Variants in MPDZ observed in about 807,000 individuals in gnomAD.
MPDZ encodes the protein multiple PDZ domain crumbs cell polarity complex component, also known as multiple PDZ domain protein.
In MPDZ, 234 loss-of-function variants were observed where a neutral mutation model predicts 239.1. That is an observed-to-expected ratio of 0.98 (90% CI 0.88 to 1.09). MPDZ has a LOEUF of 1.09. MPDZ is among the 50% of genes least tolerant of loss of function. The pLI is 0.00. For synonymous variants in MPDZ, 1,048 were observed against 881.3 expected (o/e 1.19, Z -3.35); for missense variants, 3,175 against 2,510.0 (o/e 1.26, Z -5.66).
Position 13,176,213 on chromosome 9 carries a change from A to G in MPDZ, c.2854T>C (p.Trp952Arg). 1 of 1,603,814 alleles carries G rather than the reference A, an allele frequency of 6.2e-7. No homozygotes were observed. The highest frequency in any genetic ancestry group is 8.5e-7 in the Non-Finnish European group (1 of 1,174,290). ...TCACTTGGTAAATGAGATTCAGTCC[A>G]CACTATTGTGTTTTCACATTCATAT... ...QQYECENTIV[W>R]TESHLPSEVI... Residue 952 changes from tryptophan to arginine, a missense_variant, in exon 20 of 47, where the codon TGG (tryptophan) becomes CGG (arginine). Coordinates refer to ENST00000319217, the MANE Select transcript of MPDZ (RefSeq NM_001378778.1).
chr9:13,140,914 C>T (rs968705916), intron 27 of MPDZ: 2 of 152,052 alleles, frequency 1.3e-5, no homozygotes, highest in South Asian at 2.1e-4. Flanking sequence ...GGCTTGTCTA[C>T]CAGAGAGCCA....
intron 12 of MPDZ, among the ~76,000 whole-genome samples, chr9:13,204,735 C>A (rs973440691): frequency 6.6e-6 from 1 of 152,082 alleles, no homozygotes; most frequent in Non-Finnish European, 1.5e-5. Flanking sequence ...TAGAACCACA[C>A]ATACAAACAG....
At chr9:13,268,057 G>GGAA (rs1373085699) in intron 1 of MPDZ, among the ~76,000 whole-genome samples, 1 of 151,976 alleles carries the variant, frequency 6.6e-6, no homozygotes, top group Admixed American at 6.6e-5. Flanking sequence ...GAAGAAGCAT[G>GGAA]GAAGCATTAG....
At chr9:13,204,036 A>C (rs1956712839) in intron 12 of MPDZ, among the ~76,000 whole-genome samples, 2 of 152,168 alleles carry the variant, frequency 1.3e-5, no homozygotes, top group Non-Finnish European at 2.9e-5. Flanking sequence ...ATATCTCTGC[A>C]AACATAAATA....
intron 3 of MPDZ, among the ~76,000 whole-genome samples, chr9:13,229,540 C>G (rs1961732471): frequency 6.7e-6 from 1 of 150,328 alleles, no homozygotes; most frequent in African/African-American, 2.4e-5. Context: ...GATAAAAATA[C>G]CTGACAACCT....
At chr9:13,114,573 TATTG>T (rs1943058258) in intron 40 of MPDZ, among the ~76,000 whole-genome samples, 2 of 152,212 alleles carry the variant, frequency 1.3e-5, no homozygotes, top group Non-Finnish European at 2.9e-5. Context: ...TTCAGTTGAA[TATTG>T]ATTGATGTTG....
At chr9:13,223,348 T>C (rs1011274917) in intron 5 of MPDZ, among the ~76,000 whole-genome samples, 17 of 152,044 alleles carry the variant, frequency 1.1e-4, no homozygotes, top group African/African-American at 3.6e-4. Context: ...AATTTTTCTT[T>C]CCTTACCAAA....
At chr9:13,163,311 A>G (rs930630412) in intron 22 of MPDZ, among the ~76,000 whole-genome samples, 1 of 152,192 alleles carries the variant, frequency 6.6e-6, no homozygotes, top group Non-Finnish European at 1.5e-5. Flanking sequence ...TAGCTCTATT[A>G]AGTTATGAAC....
chr9:13,175,640 C>T, intron 21 of MPDZ, 112 bp downstream of exon 21: 1 of 1,122,450 alleles, frequency 8.9e-7, no homozygotes, highest in Non-Finnish European at 1.3e-6. Context: ...AGGAAAATTT[C>T]TACCATCTGT....
intron 32 of MPDZ, among the ~76,000 whole-genome samples, chr9:13,129,158 T>G (rs1192128719): frequency 6.6e-6 from 1 of 152,134 alleles, no homozygotes; most frequent in African/African-American, 2.4e-5. Context: ...AAACAATTTA[T>G]TGATATCAGA....
chr9:13,128,814 A>G (rs975526446), intron 32 of MPDZ, among the ~76,000 whole-genome samples: 10 of 152,202 alleles, frequency 6.6e-5, no homozygotes, highest in African/African-American at 2.4e-4. Flanking sequence ...TAAAAGAAGT[A>G]GCACATGGCC....
chr9:13,213,442 C>T (rs1587842591), intron 10 of MPDZ, among the ~76,000 whole-genome samples: 1 of 152,058 alleles, frequency 6.6e-6, no homozygotes. Context: ...CTAATAGCTG[C>T]TGTCAAAACA....
chr9:13,115,697 C>G (rs150141803), intron 39 of MPDZ, among the ~76,000 whole-genome samples: 6,813 of 152,022 alleles, frequency 0.045, 440 homozygotes, highest in African/African-American at 0.14. Flanking sequence ...TGTAATCCCA[C>G]CACTTTGGGA....
chr9:13,239,363 C>A (rs898061326), intron 3 of MPDZ, among the ~76,000 whole-genome samples: 12 of 152,122 alleles, frequency 7.9e-5, no homozygotes, highest in Non-Finnish European at 1.6e-4. Flanking sequence ...CTCTCTATAA[C>A]CCCATTTCCC....
chr9:13,125,197 A>C lies in MPDZ; in HGVS notation c.4807+19T>G. On this transcript the variant is annotated intron_variant, in intron 35 of 46. Transcript: ENST00000319217. ...GGTGTTCCATATGTGCAGGACTCTC[A>C]TGAGTCCAGAGGCCTTACTTCGGAT... 3.9e-6 allele frequency: 6 copies of C among 1,554,086 alleles called. No individual in the cohort carries two copies. The highest frequency in any genetic ancestry group is 5.2e-6 in the Non-Finnish European group (6 of 1,147,956).
In MPDZ at chr9:13,192,361, T is replaced by C. The variant is rs113317151; in HGVS notation, c.1804-66A>G. 2.2e-3 allele frequency: 3,018 copies of C among 1,374,942 alleles called. 66 individuals are homozygous for C. In the African/African-American group the frequency reaches 0.039, roughly 18 times the overall value. The allele number at this position is 1,374,942 out of a possible 1,614,324, so 85.2% of individuals were successfully genotyped here. On this transcript the variant is annotated intron_variant, in intron 14 of 46. Transcript: ENST00000319217. ...AATATGAACATTCTTTTGAACACAA[T>C]TTTTTTATTAAATATAAATTTTACT...
intron 12 of MPDZ, among the ~76,000 whole-genome samples, chr9:13,204,792 T>C (rs1047757814): frequency 1.3e-5 from 2 of 152,148 alleles, no homozygotes; most frequent in Non-Finnish European, 2.9e-5. Context: ...GAAGTAAGAA[T>C]AGATTGACTC....
intron 5 of MPDZ, among the ~76,000 whole-genome samples, chr9:13,222,912 T>A (rs1002982295): frequency 1.3e-5 from 2 of 150,958 alleles, no homozygotes. Flanking sequence ...CAACTGGGGA[T>A]CACATCCATA....
intron 39 of MPDZ, among the ~76,000 whole-genome samples, chr9:13,115,722 G>A (rs1466632368): frequency 6.6e-6 from 1 of 152,034 alleles, no homozygotes; most frequent in Non-Finnish European, 1.5e-5. Context: ...GAGGCGGGTG[G>A]ATCACGAGGT....
Sources: allele counts gnomAD v4.1 joint callset (sites outside exome capture counted in the v4.1 genomes callset), GRCh38; gene constraint gnomAD v4.1.1; transcripts MANE v1.5; gene names NCBI Gene and HGNC (gene_info 2026-07-23, HGNC 2026-07-21).